The following MAOB variants were observed in gnomAD, a reference collection of about 807,000 sequenced individuals.
MAOB encodes the protein monoamine oxidase B.
In MAOB, 15 loss-of-function variants were observed where a neutral mutation model predicts 41.9. The ratio of observed to expected loss-of-function variants is 0.36; its 90% CI spans 0.24 to 0.55. The LOEUF is 0.55. Among genes scored for constraint, MAOB ranks in the 20% least tolerant of loss-of-function variants. The pLI is 0.86. For missense variants in MAOB, 345 were observed against 398.7 expected (o/e 0.87, Z 1.15); for synonymous variants, 167 against 144.2 (o/e 1.16, Z -1.13).
intron 5 of MAOB, 128 bp downstream of exon 5, chrX:43,802,044 C>G: frequency 1.9e-6 from 1 of 538,179 alleles, no homozygotes. Context: ...TGGTTTTCAG[C>G]ATGCCACTGG....
chrX:43,834,847 G>A (rs973000481), intron 3 of MAOB, among the ~76,000 whole-genome samples: 1 of 112,698 alleles, frequency 8.9e-6, no homozygotes, highest in African/African-American at 3.2e-5. Context: ...AGACCAAAAA[G>A]TCCTTTTGCT....
intron 11 of MAOB, among the ~76,000 whole-genome samples, chrX:43,778,310 A>G (rs1455701795): frequency 9.0e-6 from 1 of 110,742 alleles, no homozygotes; most frequent in Non-Finnish European, 1.9e-5. Flanking sequence ...AGCCCTTTTC[A>G]TCCCCATCCT....
At chrX:43,842,504 TC>T (rs2035148865) in intron 2 of MAOB, among the ~76,000 whole-genome samples, 1 of 112,497 alleles carries the variant, frequency 8.9e-6, no homozygotes, top group African/African-American at 3.2e-5. Flanking sequence ...GTATGGAGGT[TC>T]CTCAGAAAAC....
At chrX:43,839,651 G>A (rs186988869) in intron 2 of MAOB, among the ~76,000 whole-genome samples, 96 of 111,564 alleles carry the variant, frequency 8.6e-4, no homozygotes, top group Non-Finnish European at 1.4e-3. Context: ...GTTTATTTGC[G>A]TATTTTTTGT....
rs1426997183 is a variant in MAOB, at chrX:43,787,348, A to G, written c.929-5804T>C. ...ACTGAAGAAGTTTACCAAGGACAAA[A>G]TTAAAGGAAAAATAATAATAAGGGA... On this transcript the variant is annotated intron_variant, in intron 8 of 14. Coordinates refer to ENST00000378069, the MANE Select transcript of MAOB (RefSeq NM_000898.5). 2.7e-5 allele frequency among the ~76,000 whole-genome samples: 3 copies of G among 111,833 alleles called. No homozygotes were observed. In the Admixed American group the frequency reaches 2.9e-4, roughly 11 times the overall value.
intron 2 of MAOB, among the ~76,000 whole-genome samples, chrX:43,843,359 A>T (rs758655324): frequency 7.4e-3 from 100 of 13,487 alleles, no homozygotes; most frequent in African/African-American, 0.057. Flanking sequence ...TCTCTGTCTC[A>T]CACACACACA....
intron 1 of MAOB, among the ~76,000 whole-genome samples, chrX:43,880,205 A>G (rs1039431556): frequency 1.8e-5 from 2 of 112,195 alleles, no homozygotes; most frequent in Non-Finnish European, 3.8e-5. Flanking sequence ...CAGGAAGTAA[A>G]TGTTCATTGA....
chrX:43,877,903 C>T (rs2035450378), intron 1 of MAOB, among the ~76,000 whole-genome samples: 1 of 112,614 alleles, frequency 8.9e-6, no homozygotes, highest in South Asian at 3.7e-4. Flanking sequence ...CTATGCTGCA[C>T]ATCCAGAAAA....
At chrX:43,861,900 C>T (rs1180996456) in intron 1 of MAOB, among the ~76,000 whole-genome samples, 6 of 108,166 alleles carry the variant, frequency 5.5e-5, no homozygotes, top group Admixed American at 1.0e-4. Context: ...TTTTTAAGTA[C>T]TTTGAACAAA....
In MAOB at chrX:43,775,156, T is replaced by A; in HGVS notation, c.1235+19A>T. ...GGTGCAGGGGATTTCTGTAACAGCT[T>A]AGCATGCTTTTACTCTACCTTCCAT... On this transcript the variant is annotated intron_variant, in intron 12 of 14. Transcript: ENST00000378069. 1.7e-6 allele frequency: 2 copies of A among 1,166,636 alleles called. No homozygotes were observed. The highest frequency in any genetic ancestry group is 2.3e-6 in the Non-Finnish European group (2 of 875,170).
intron 8 of MAOB, among the ~76,000 whole-genome samples, chrX:43,787,007 A>G (rs2034408636): frequency 9.0e-6 from 1 of 110,556 alleles, no homozygotes; most frequent in Non-Finnish European, 1.9e-5. Context: ...AAGAGATGAT[A>G]TTCAAGGACA....
At chrX:43,803,868 A>G (rs1293450162) in intron 3 of MAOB, among the ~76,000 whole-genome samples, 3 of 110,871 alleles carry the variant, frequency 2.7e-5, no homozygotes, top group African/African-American at 9.8e-5. Context: ...ACCACAAAAC[A>G]GGGCCCAGAA....
chrX:43,827,345 T>C (rs2034961549), intron 3 of MAOB, among the ~76,000 whole-genome samples: 1 of 111,869 alleles, frequency 8.9e-6, no homozygotes, highest in African/African-American at 3.3e-5. Flanking sequence ...ATTCAAAGGC[T>C]CAACTGGGTT....
chrX:43,879,075 C>T (rs1026307754), intron 1 of MAOB, among the ~76,000 whole-genome samples: 1 of 111,743 alleles, frequency 8.9e-6, no homozygotes, highest in African/African-American at 3.3e-5. Context: ...AACTGAGAGA[C>T]GCGGGACAGA....
chrX:43,879,881 T>C (rs2035462822), intron 1 of MAOB, among the ~76,000 whole-genome samples: 1 of 112,316 alleles, frequency 8.9e-6, no homozygotes, highest in South Asian at 3.7e-4. Context: ...CTTTCACATA[T>C]TTGTGGTTTT....
chrX:43,781,112 C>A (rs1349522294), intron 9 of MAOB, among the ~76,000 whole-genome samples: 1 of 111,106 alleles, frequency 9.0e-6, no homozygotes, highest in Admixed American at 9.6e-5. Context: ...CACAAGAAGT[C>A]TCTTAGTAAA....
intron 3 of MAOB, among the ~76,000 whole-genome samples, chrX:43,806,913 C>T (rs746297225): frequency 6.3e-5 from 7 of 111,233 alleles, no homozygotes; most frequent in Non-Finnish European, 1.3e-4. Flanking sequence ...ATGTCCCCAT[C>T]CTTTTGTCTG....
At chrX:43,863,315 A>C (rs1444019949) in intron 1 of MAOB, among the ~76,000 whole-genome samples, 2 of 111,765 alleles carry the variant, frequency 1.8e-5, no homozygotes, top group Admixed American at 1.9e-4. Flanking sequence ...GGTATGCCTT[A>C]TTTGACGTTA....
chrX:43,768,565 G>A (rs774326738), intron 14 of MAOB, 89 bp downstream of exon 14: 1 of 712,946 alleles, frequency 1.4e-6, no homozygotes, highest in Non-Finnish European at 2.2e-6. Flanking sequence ...CTTAGGAAAA[G>A]GTATGTGAAT....
Sources: gnomAD v4.1 joint callset for allele counts (sites outside exome capture counted in the v4.1 genomes callset) on GRCh38, gnomAD v4.1.1 for gene constraint, MANE v1.5 for transcripts, NCBI Gene and HGNC (gene_info 2026-07-23, HGNC 2026-07-21) for gene names.